The following GSTM4 variants were observed in gnomAD, a reference collection of about 807,000 sequenced individuals.
GSTM4 encodes the protein GST class-mu 4.
In GSTM4, 27 loss-of-function variants were observed where a neutral mutation model predicts 30.1. The ratio of observed to expected loss-of-function variants is 0.90; its 90% CI spans 0.66 to 1.24. GSTM4 has a LOEUF of 1.24. GSTM4 is among the 50% of genes most tolerant of loss of function. The pLI is 0.00. For synonymous variants in GSTM4, 94 were observed against 96.2 expected (o/e 0.98, Z 0.13); for missense variants, 238 against 272.1 (o/e 0.87, Z 0.88).
Position 109,661,594 on chromosome 1 carries a change from T to C in GSTM4, c.*340T>C, listed in dbSNP as rs1063584. 8.3e-5 allele frequency: 104 copies of C among 1,252,890 alleles called. No homozygotes were observed. The highest frequency in any genetic ancestry group is 4.6e-4 in the South Asian group (26 of 56,252). The allele number at this position is 1,252,890 out of a possible 1,614,324, so 77.6% of individuals were successfully genotyped here. ...GCCCCTCGCCTGTGGAGCTCAGCCC[T>C]GAGCTGTCCCCGTGTTGCATGACAG... On this transcript the variant is annotated 3_prime_UTR_variant, in exon 8 of 8. Transcript: ENST00000369836.
In GSTM4 at chr1:109,656,721, G is replaced by A; in HGVS notation, c.46G>A (p.Ala16Thr). ...GYWDIRGLAH[A>T]IRLLLEYTDS... The stretch of plus-strand genomic sequence containing the variant: ...GGGCCATCTCTTCCAGCTGGCCCAC[G>A]CCATCCGCCTGCTCCTGGAATACAC... Residue 16 changes from alanine (A) to threonine (T), a missense_variant, in exon 2 of 8, where the codon GCC becomes ACC. Physicochemically the swap from Ala to Thr is moderately conservative, Grantham distance 58 (BLOSUM62 0). Coordinates refer to ENST00000369836, the MANE Select transcript of GSTM4 (RefSeq NM_000850.5). 6.2e-7 allele frequency: 1 copy of A among 1,613,916 alleles called. No individual in the cohort carries two copies.
Position 109,661,404 on chromosome 1 carries a change from C to A in GSTM4, c.*150C>A. 6.6e-7 allele frequency: 1 copy of A among 1,514,510 alleles called. No homozygotes were observed. The highest frequency in any genetic ancestry group is 8.9e-7 in the Non-Finnish European group (1 of 1,129,786). 93.8% of individuals were successfully genotyped at this position (1,514,510 alleles called of 1,614,324 possible). On this transcript the variant is annotated 3_prime_UTR_variant, in exon 8 of 8. Coordinates refer to ENST00000369836, the MANE Select transcript of GSTM4 (RefSeq NM_000850.5). ...TCTTTACCCCCAAGACTTTATTGGG[C>A]CTCTTCACTTCCCCTAAACCCCTGT...
At chr1:109,659,507 G>A in intron 7 of GSTM4, 2 of 729,140 alleles carry the variant, frequency 2.7e-6, no homozygotes, top group South Asian at 2.0e-5. Context: ...GGGCACTTTG[G>A]AAGAGGCAGA....
intron 5 of GSTM4, chr1:109,658,504 A>C (rs535537): frequency 5.7e-6 from 2 of 351,794 alleles, no homozygotes; most frequent in African/African-American, 2.0e-5. Flanking sequence ...GATTTTGCTC[A>C]TGTCTGGGTC....
chr1:109,666,164 C>T (rs1343791530), downstream of GSTM4, among the ~76,000 whole-genome samples: 1 of 152,124 alleles, frequency 6.6e-6, no homozygotes, highest in Non-Finnish European at 1.5e-5. Context: ...GATCACGGCT[C>T]ATTGCAGCCT....
downstream of GSTM4, among the ~76,000 whole-genome samples, chr1:109,662,395 C>T (rs923338368): frequency 2.0e-5 from 3 of 152,150 alleles, no homozygotes; most frequent in Admixed American, 6.5e-5. Flanking sequence ...ATCTCTAGGA[C>T]GCAAGCTCTA....
chr1:109,658,779 T>G, intron 5 of GSTM4, 35 bp from the exon 6 acceptor site: 3 of 1,477,434 alleles, frequency 2.0e-6, no homozygotes, highest in Non-Finnish European at 2.8e-6. Flanking sequence ...AGGGAGCTTG[T>G]GTCTGAGGGT....
downstream of GSTM4, among the ~76,000 whole-genome samples, chr1:109,663,898 A>G (rs1411053373): frequency 6.6e-6 from 1 of 152,242 alleles, no homozygotes; most frequent in South Asian, 2.1e-4. Flanking sequence ...GTGCTCACTG[A>G]ATAGTTATTA....
At position 109,661,366 on chromosome 1, in the gene GSTM4, CTG is replaced by C. The variant is rs1652310294; in HGVS notation, c.*114_*115del. On this transcript the variant is annotated 3_prime_UTR_variant, in exon 8 of 8. Transcript: ENST00000369836. ...GCACCTGCCTCCTCGTTCCTTTCTC[CTG>C]TTTATTCCCATCTTTACCCCCAAGA... 6.4e-7 allele frequency: 1 copy of C among 1,573,756 alleles called. No individual in the cohort carries two copies. The highest frequency in any genetic ancestry group is 8.6e-7 in the Non-Finnish European group (1 of 1,158,796).
chr1:109,663,459 G>A (rs1307156464), downstream of GSTM4, among the ~76,000 whole-genome samples: 1 of 151,888 alleles, frequency 6.6e-6, no homozygotes, highest in African/African-American at 2.4e-5. Context: ...TGAGGTTGGG[G>A]GTTTGAGACC....
At chr1:109,666,583 A>G (rs1304820641), downstream of GSTM4, among the ~76,000 whole-genome samples, 2 of 152,220 alleles carry the variant, frequency 1.3e-5, no homozygotes, top group African/African-American at 4.8e-5. Flanking sequence ...TGATGCCTGC[A>G]GGGACTGTGC....
intron 2 of GSTM4, 126 bp downstream of exon 2, chr1:109,656,913 G>A (rs1652027321): frequency 1.0e-6 from 1 of 1,003,688 alleles, no homozygotes; most frequent in Non-Finnish European, 1.6e-6. Flanking sequence ...TCCCTTCCCT[G>A]AGCCCCGGTG....
chr1:109,659,383 G>C (rs1652195581), intron 7 of GSTM4: 6 of 1,460,604 alleles, frequency 4.1e-6, no homozygotes, highest in Non-Finnish European at 4.5e-6. Context: ...AGCCAGTGGA[G>C]GCTGTGCTGG....
intron 5 of GSTM4, 193 bp downstream of exon 5, chr1:109,658,065 T>C: frequency 1.7e-6 from 1 of 596,546 alleles, no homozygotes; most frequent in Non-Finnish European, 3.0e-6. Flanking sequence ...GGAAGTCCTA[T>C]GAAAGCTAGC....
chr1:109,661,893 G>C (rs1468692008), downstream of GSTM4, among the ~76,000 whole-genome samples: 1 of 152,006 alleles, frequency 6.6e-6, no homozygotes, highest in Admixed American at 6.6e-5. Context: ...GGCAGTGGCG[G>C]CATCGTAGCT....
chr1:109,661,200 C>T lies in GSTM4; in HGVS notation c.603C>T (p.Ser201=), dbSNP rs560378846. The T allele has an allele frequency of 1.2e-6, 2 of 1,611,574 alleles. No individual in the cohort carries two copies. The highest frequency in any genetic ancestry group is 2.2e-5 in the South Asian group (2 of 91,086). Residue 201 remains serine, a synonymous_variant, in exon 8 of 8, where the codon AGC becomes AGT. Coordinates refer to ENST00000369836, the MANE Select transcript of GSTM4 (RefSeq NM_000850.5). ...LEKISAYMKS[S]RFLPKPLYTR... ...AGATCTCTGCCTACATGAAGTCCAG[C>T]CGCTTCCTCCCAAAACCTCTGTACA... is the stretch of plus-strand genomic sequence containing the variant.
chr1:109,657,349 G>C (rs1053272732), intron 3 of GSTM4, 70 bp downstream of exon 3: 19 of 1,589,190 alleles, frequency 1.2e-5, no homozygotes, highest in African/African-American at 2.7e-5. Flanking sequence ...CCTCTCCCCA[G>C]ATTAGAGGTG....
At position 109,658,996 on chromosome 1, in the gene GSTM4, G is replaced by T. The variant is rs1006871818; in HGVS notation, c.457-4G>T. ...CCAGCCCACACATTCTTGGCCTTCT[G>T]CAGATCACCTTTGTAGATTTCCTCG... On this transcript the variant is annotated splice_region_variant and splice_polypyrimidine_tract_variant and intron_variant, in intron 6 of 7. Transcript: ENST00000369836. The T allele has an allele frequency of 5.0e-6, 8 of 1,614,032 alleles. No homozygotes were observed. The African/African-American group carries it at 1.1e-4, about 22-fold the overall frequency.
At chr1:109,664,962 G>C (rs771601614), downstream of GSTM4, 2 of 1,607,960 alleles carry the variant, frequency 1.2e-6, no homozygotes, top group Non-Finnish European at 1.7e-6. Context: ...TGGCAGTCAA[G>C]ACCTTCTCTC....
Sources: gnomAD v4.1 joint callset for allele counts (sites outside exome capture counted in the v4.1 genomes callset) on GRCh38, gnomAD v4.1.1 for gene constraint, MANE v1.5 for transcripts, NCBI Gene and HGNC (gene_info 2026-07-23, HGNC 2026-07-21) for gene names.